CAMK2D: variants seen among roughly 807,000 people sequenced by gnomAD.
The protein encoded by CAMK2D is calcium/calmodulin-dependent protein kinase type II subunit delta.
In CAMK2D, 37 loss-of-function variants were observed where a neutral mutation model predicts 84.0. The ratio of observed to expected loss-of-function variants is 0.44; its 90% CI spans 0.34 to 0.58. The LOEUF is 0.58. Among genes scored for constraint, CAMK2D ranks in the 20% least tolerant of loss-of-function variants. CAMK2D has a pLI of 0.02. For synonymous variants in CAMK2D, 202 were observed against 212.5 expected (o/e 0.95, Z 0.43); for missense variants, 448 against 652.5 (o/e 0.69, Z 3.41).
chr4:113,628,035 T>C (rs1323882557), intron 3 of CAMK2D, among the ~76,000 whole-genome samples: 1 of 152,052 alleles, frequency 6.6e-6, no homozygotes, highest in Non-Finnish European at 1.5e-5. Context: ...ATCTGCTCTT[T>C]AGAACTACTA....
At chr4:113,554,601 T>C (rs1014021170) in intron 4 of CAMK2D, among the ~76,000 whole-genome samples, 8 of 152,138 alleles carry the variant, frequency 5.3e-5, no homozygotes, top group African/African-American at 1.9e-4. Context: ...TTCTTCTATA[T>C]GTATGATAAA....
chr4:113,505,607 T>C (rs1044687169), intron 13 of CAMK2D, among the ~76,000 whole-genome samples: 2 of 61,044 alleles, frequency 3.3e-5, no homozygotes, highest in Non-Finnish European at 7.3e-5. Flanking sequence ...ACATCTTCAA[T>C]TATTAGTGGG....
At chr4:113,700,245 T>C (rs889718038) in intron 2 of CAMK2D, among the ~76,000 whole-genome samples, 2 of 152,200 alleles carry the variant, frequency 1.3e-5, no homozygotes, top group African/African-American at 4.8e-5. Flanking sequence ...TAATTGTATA[T>C]TGTCCATCTT....
chr4:113,652,467 G>C (rs2099178065), intron 3 of CAMK2D, among the ~76,000 whole-genome samples: 1 of 151,990 alleles, frequency 6.6e-6, no homozygotes, highest in African/African-American at 2.4e-5. Context: ...CTGGAATAAA[G>C]GGAAAAGAGG....
At chr4:113,739,236 T>C (rs922896807) in intron 2 of CAMK2D, among the ~76,000 whole-genome samples, 2 of 152,178 alleles carry the variant, frequency 1.3e-5, no homozygotes, top group African/African-American at 2.4e-5. Flanking sequence ...AAGATTAAAA[T>C]GGAAACTTCT....
At chr4:113,640,687 C>T (rs1286261489) in intron 3 of CAMK2D, among the ~76,000 whole-genome samples, 1 of 152,104 alleles carries the variant, frequency 6.6e-6, no homozygotes, top group Non-Finnish European at 1.5e-5. Context: ...TTCTTAGGAA[C>T]ACATAGAAGA....
At chr4:113,603,843 T>C (rs1261946579) in intron 4 of CAMK2D, among the ~76,000 whole-genome samples, 1 of 145,310 alleles carries the variant, frequency 6.9e-6, no homozygotes, top group Non-Finnish European at 1.5e-5. Context: ...AGCTCACACC[T>C]GAGCACTTGG....
chr4:113,567,821 G>T lies in CAMK2D; in HGVS notation c.276-15725C>A, dbSNP rs140378776. On this transcript the variant is annotated intron_variant, in intron 4 of 20. Coordinates refer to ENST00000511664, the MANE Select transcript of CAMK2D (RefSeq NM_001321571.2). ...AAATTAAAGAGCTAAAATAGTTGAAGAACATAACAGTGTCAGGTACACACT... is the reference window on the plus strand; with the variant it reads ...AAATTAAAGAGCTAAAATAGTTGAATAACATAACAGTGTCAGGTACACACT... Among the ~76,000 whole-genome samples, 73 of 152,224 alleles carry T rather than the reference G, an allele frequency of 4.8e-4. 1 individual carries two copies. In the East Asian group the frequency reaches 0.011, roughly 22 times the overall value.
In CAMK2D at chr4:113,537,408, T is replaced by G; in HGVS notation, c.450A>C (p.Gly150=). The change falls in exon 7 of 21, where the codon GGA becomes GGC. Residue 150 remains glycine (G), a synonymous_variant. Transcript: ENST00000511664. ...CAAAGTCTGCCAATTTCACAGCTGC[T>G]CCCTTGGATTTGCTAGCTAAAAGCA... ...ENLLLASKSK[G]AAVKLADFGL... is the part of the protein sequence containing the mutation. 6.2e-7 allele frequency: 1 copy of G among 1,612,624 alleles called. No homozygotes were observed. The highest frequency in any genetic ancestry group is 1.1e-5 in the South Asian group (1 of 91,010).
chr4:113,713,535 G>C (rs2099501287), intron 2 of CAMK2D, among the ~76,000 whole-genome samples: 1 of 147,752 alleles, frequency 6.8e-6, no homozygotes, highest in African/African-American at 2.5e-5. Flanking sequence ...ATTATATATA[G>C]TATTATTAAT....
intron 5 of CAMK2D, among the ~76,000 whole-genome samples, chr4:113,548,902 T>C (rs1018233713): frequency 6.6e-6 from 1 of 152,252 alleles, no homozygotes; most frequent in Non-Finnish European, 1.5e-5. Context: ...AAGCTAATTT[T>C]GGTTCTAACA....
At chr4:113,566,388 A>G (rs1057304854) in intron 4 of CAMK2D, among the ~76,000 whole-genome samples, 1 of 151,828 alleles carries the variant, frequency 6.6e-6, no homozygotes, top group Non-Finnish European at 1.5e-5. Flanking sequence ...AATCATTGTC[A>G]TTTTTTTTCT....
intron 4 of CAMK2D, among the ~76,000 whole-genome samples, chr4:113,566,721 G>A (rs1319928839): frequency 6.6e-6 from 1 of 152,110 alleles, no homozygotes; most frequent in Non-Finnish European, 1.5e-5. Context: ...TGTACCCATT[G>A]TTCACACTGA....
rs559628296 is a variant in CAMK2D at position 113,508,343 on chromosome 4, A to C, written c.984+1295T>G. 1.5e-4 allele frequency: 161 copies of C among 1,078,760 alleles called. 4 individuals carry two copies. In the African/African-American group the frequency reaches 2.2e-3, roughly 15 times the overall value. The allele number at this position is 1,078,760 out of a possible 1,614,324, so 66.8% of individuals were successfully genotyped here. A position where few individuals can be genotyped will look rare whatever the true frequency, so the allele number is the denominator to read the frequency against. ...TTGAATTTAGAGTATCAAAGCATGG[A>C]GTATAGAATAATTTTGTTTTTAAAG... is the stretch of plus-strand genomic sequence containing the variant. On this transcript the variant is annotated intron_variant, in intron 13 of 20. Coordinates refer to ENST00000511664, the MANE Select transcript of CAMK2D (RefSeq NM_001321571.2).
chr4:113,698,250 T>C (rs1323242371), intron 2 of CAMK2D, among the ~76,000 whole-genome samples: 1 of 152,142 alleles, frequency 6.6e-6, no homozygotes, highest in Non-Finnish European at 1.5e-5. Context: ...GTATCACTTT[T>C]GCACCATAAT....
chr4:113,568,649 A>C (rs1456957190), intron 4 of CAMK2D, among the ~76,000 whole-genome samples: 1 of 152,218 alleles, frequency 6.6e-6, no homozygotes, highest in African/African-American at 2.4e-5. Context: ...GGAATCACAA[A>C]ACTTTTTTAC....
chr4:113,585,869 T>C (rs1331581770), intron 4 of CAMK2D, among the ~76,000 whole-genome samples: 3 of 152,220 alleles, frequency 2.0e-5, no homozygotes, highest in East Asian at 1.9e-4. Flanking sequence ...CTGGAAGTAA[T>C]TGTGTTTAAG....
At chr4:113,457,054 C>G (rs2097311574) in intron 19 of CAMK2D, 2 of 504,746 alleles carry the variant, frequency 4.0e-6, no homozygotes, top group African/African-American at 2.0e-5. Flanking sequence ...CCTTATTATA[C>G]AAGTCCTCTA....
intron 15 of CAMK2D, among the ~76,000 whole-genome samples, chr4:113,500,730 C>T (rs1016677715): frequency 2.0e-5 from 3 of 152,002 alleles, no homozygotes; most frequent in Non-Finnish European, 4.4e-5. Flanking sequence ...GCCTAATCTC[C>T]GAAGCTGTAT....
Sources: gnomAD v4.1 joint callset for allele counts (sites outside exome capture counted in the v4.1 genomes callset) on GRCh38, gnomAD v4.1.1 for gene constraint, MANE v1.5 for transcripts, NCBI Gene and HGNC (gene_info 2026-07-23, HGNC 2026-07-21) for gene names.